Variants in RAB3GAP2 observed in about 807,000 individuals in gnomAD.
The protein encoded by RAB3GAP2 is rab3 GTPase-activating protein non-catalytic subunit.
Under a neutral mutation model 185.3 loss-of-function variants are expected in RAB3GAP2, and 87 were observed. The observed-to-expected ratio is 0.47, with a 90% CI of 0.39 to 0.56. The LOEUF is 0.56. Among genes scored for constraint, RAB3GAP2 ranks in the 20% least tolerant of loss-of-function variants. RAB3GAP2 has a pLI of 0.00. For missense variants in RAB3GAP2, 1,492 were observed against 1,638.2 expected (o/e 0.91, Z 1.54); for synonymous variants, 554 against 576.1 (o/e 0.96, Z 0.55).
At chr1:220,190,595 T>C (rs1230099279) in intron 14 of RAB3GAP2, 75 bp from the exon 15 acceptor site, 5 of 1,434,004 alleles carry the variant, frequency 3.5e-6, no homozygotes, top group East Asian at 2.3e-5. Context: ...TTATTATAGC[T>C]AGGAAACCCA....
intron 13 of RAB3GAP2, among the ~76,000 whole-genome samples, chr1:220,192,724 A>C (rs1212001430): frequency 1.3e-5 from 2 of 152,208 alleles, no homozygotes; most frequent in Admixed American, 6.5e-5. Flanking sequence ...AAGGAAGAAG[A>C]CTGGGTTCCT....
chr1:220,190,095 T>A lies in RAB3GAP2; in HGVS notation c.1683A>T (p.Ala561=). Residue 561 remains alanine, a synonymous_variant, in exon 16 of 35, where the codon GCA becomes GCT. Transcript: ENST00000358951. ...AKDMHLVKKL[A]ALLKTKSPNL... ...TGGGAGATTTTGTTTTCAGTAAGGC[T>A]GCTAGTTTCTTCACTAGGTGCATAT... is the stretch of plus-strand genomic sequence containing the variant. 1 of 1,613,570 alleles carries A rather than the reference T, an allele frequency of 6.2e-7. No homozygotes were observed. The highest frequency in any genetic ancestry group is 8.5e-7 in the Non-Finnish European group (1 of 1,179,562).
At chr1:220,167,430 T>A (rs756089140) in intron 25 of RAB3GAP2, 31 bp from the exon 26 acceptor site, 4 of 1,613,384 alleles carry the variant, frequency 2.5e-6, no homozygotes, top group South Asian at 1.1e-5. Flanking sequence ...GTGATGTTAT[T>A]TTTTTCCTTA....
intron 17 of RAB3GAP2, among the ~76,000 whole-genome samples, chr1:220,187,513 T>TA (rs1343412623): frequency 6.6e-6 from 1 of 152,138 alleles, no homozygotes. Flanking sequence ...GGATTGAAAC[T>TA]TTTAGCCCAA....
chr1:220,200,504 A>T (rs764078352), intron 9 of RAB3GAP2: 8 of 500,932 alleles, frequency 1.6e-5, no homozygotes, highest in South Asian at 1.2e-4. Context: ...AGACCTCTAC[A>T]TAAAGATGTA....
At chr1:220,177,480 G>A (rs1026484518) in intron 21 of RAB3GAP2, among the ~76,000 whole-genome samples, 1 of 152,164 alleles carries the variant, frequency 6.6e-6, no homozygotes, top group Non-Finnish European at 1.5e-5. Flanking sequence ...AGGCACCAGA[G>A]ACAGAATCTA....
rs1029407121 is a variant in RAB3GAP2, at chr1:220,149,629, G to C, written c.*1622C>G. 1 of 152,200 alleles carries C rather than the reference G, an allele frequency of 6.6e-6. No homozygotes were observed. The allele number at this position is 152,200 out of a possible 1,614,324, so 9.4% of individuals were successfully genotyped here. Reference sequence around the variant, plus strand: ...CTAGGATGTGTGTGGCTGGGGCAGCGGAGACCCAAGCAGAGGCTGGGAGGT... The same window carrying C: ...CTAGGATGTGTGTGGCTGGGGCAGCCGAGACCCAAGCAGAGGCTGGGAGGT... On this transcript the variant is annotated 3_prime_UTR_variant, in exon 35 of 35. Transcript: ENST00000358951.
chr1:220,267,785 A>G, intron 1 of RAB3GAP2: 3 of 1,494,490 alleles, frequency 2.0e-6, no homozygotes, highest in Non-Finnish European at 2.8e-6. Flanking sequence ...AGACCCACTG[A>G]GCCTGGCCAC....
intron 21 of RAB3GAP2, among the ~76,000 whole-genome samples, chr1:220,178,118 G>T (rs1240747840): frequency 2.6e-5 from 4 of 152,112 alleles, no homozygotes; most frequent in African/African-American, 7.2e-5. Flanking sequence ...AAACCTTACA[G>T]GCCAAGAGGG....
intron 1 of RAB3GAP2, among the ~76,000 whole-genome samples, chr1:220,262,038 C>T (rs996914064): frequency 1.5e-4 from 23 of 151,544 alleles, no homozygotes; most frequent in African/African-American, 5.6e-4. Flanking sequence ...ACCTGTAATC[C>T]CAGCACTTTG....
chr1:220,153,961 A>C lies in RAB3GAP2; in HGVS notation c.3645+7T>G. 6.2e-7 allele frequency: 1 copy of C among 1,613,176 alleles called. No individual in the cohort carries two copies. Among genetic ancestry groups the C allele is most frequent in the Non-Finnish European group, 8.5e-7 (1 of 1,179,608 alleles). On this transcript the variant is annotated splice_region_variant and intron_variant, in intron 32 of 34. Coordinates refer to ENST00000358951, the MANE Select transcript of RAB3GAP2 (RefSeq NM_012414.4). ...AACAAAAACAAAATCCAATAGCTATAATTTACCTGTTGTCGTACAGAAATA... is the reference window on the plus strand; with the variant it reads ...AACAAAAACAAAATCCAATAGCTATCATTTACCTGTTGTCGTACAGAAATA...
At chr1:220,215,050 GT>G (rs1015814384) in intron 2 of RAB3GAP2, among the ~76,000 whole-genome samples, 2 of 143,600 alleles carry the variant, frequency 1.4e-5, no homozygotes, top group Admixed American at 1.4e-4. Context: ...TTTCTTTATT[GT>G]TTTTAATGTC....
chr1:220,210,546 G>T, intron 6 of RAB3GAP2, 57 bp from the exon 7 acceptor site: 1 of 1,324,684 alleles, frequency 7.5e-7, no homozygotes, highest in Non-Finnish European at 1.1e-6. Context: ...TACCTTAGCA[G>T]GTATGGCCAG....
chr1:220,184,184 T>C (rs779509532), intron 18 of RAB3GAP2, 21 bp from the exon 19 acceptor site: 6 of 1,593,530 alleles, frequency 3.8e-6, no homozygotes, highest in Admixed American at 3.3e-5. Flanking sequence ...GAAGGAAAAG[T>C]ATATATAAGA....
intron 1 of RAB3GAP2, among the ~76,000 whole-genome samples, chr1:220,269,779 G>A (rs1660300982): frequency 1.3e-5 from 2 of 152,268 alleles, no homozygotes; most frequent in South Asian, 4.1e-4. Context: ...TGTAACTACT[G>A]TTGAGAATTA....
rs966970556 is a variant in RAB3GAP2, at chr1:220,254,143, T to A, written c.115+18080A>T. The A allele has an allele frequency of 2.5e-6, 4 of 1,613,636 alleles. No homozygotes were observed. In the African/African-American group the frequency reaches 5.3e-5, roughly 22 times the overall value. On this transcript the variant is annotated intron_variant, in intron 1 of 34. Coordinates refer to ENST00000358951, the MANE Select transcript of RAB3GAP2 (RefSeq NM_012414.4). ...TCTTCCTGCCAAGAAGAATGTGGAT[T>A]CCATTCTTGAGGATTATGCAAATTA...
chr1:220,214,207 T>A (rs1436533544), intron 2 of RAB3GAP2, among the ~76,000 whole-genome samples: 2 of 152,062 alleles, frequency 1.3e-5, no homozygotes, highest in Non-Finnish European at 2.9e-5. Flanking sequence ...AAAATTTAAA[T>A]ATAAACAAAT....
intron 27 of RAB3GAP2, among the ~76,000 whole-genome samples, chr1:220,163,564 A>G (rs1022747700): frequency 1.2e-4 from 18 of 151,018 alleles, no homozygotes; most frequent in Admixed American, 7.3e-4. Flanking sequence ...GGGTTTCACC[A>G]TGTTAGCCAG....
chr1:220,188,117 A>C (rs1395390478), intron 17 of RAB3GAP2, among the ~76,000 whole-genome samples: 1 of 151,970 alleles, frequency 6.6e-6, no homozygotes, highest in Non-Finnish European at 1.5e-5. Flanking sequence ...AAAAAAAAAA[A>C]ACCCTACATC....
Sources: gnomAD v4.1 joint callset for allele counts (sites outside exome capture counted in the v4.1 genomes callset) on GRCh38, gnomAD v4.1.1 for gene constraint, MANE v1.5 for transcripts, NCBI Gene and HGNC (gene_info 2026-07-23, HGNC 2026-07-21) for gene names.